The following FRAS1 variants were observed in gnomAD, a reference collection of about 807,000 sequenced individuals.
The protein encoded by FRAS1 is extracellular matrix organizing protein FRAS1.
Under a neutral mutation model 435.2 loss-of-function variants are expected in FRAS1, and 290 were observed. That is an observed-to-expected ratio of 0.67 (90% CI 0.61 to 0.73). FRAS1 has a LOEUF of 0.73. Ranked by LOEUF, FRAS1 falls within the 30% of genes least tolerant of loss-of-function variation. The pLI, the probability that FRAS1 is intolerant of heterozygous loss-of-function variation, is 0.00. For missense variants in FRAS1, 4,860 were observed against 5,001.5 expected, an observed-to-expected ratio of 0.97 and a Z score of 0.85; for synonymous variants, 1,800 against 1,851.0, an observed-to-expected ratio of 0.97 and a Z score of 0.71.
chr4:78,244,614 GCCTATT>G (rs1725150074), intron 3 of FRAS1, among the ~76,000 whole-genome samples: 1 of 152,124 alleles, frequency 6.6e-6, no homozygotes, highest in Non-Finnish European at 1.5e-5. Flanking sequence ...TCAGGTGGTG[GCCTATT>G]CTCTTGATAG....
At position 78,112,917 on chromosome 4, in the gene FRAS1, G is replaced by C. The variant is rs571400462; in HGVS notation, c.108+46901G>C. On this transcript the variant is annotated intron_variant, in intron 2 of 73. Transcript: ENST00000512123. ...ATGTATACATGTGCCATATTGGTGT[G>C]CTGCACCCATTAACTCGTCATTTAA... Among the ~76,000 whole-genome samples the C allele has an allele frequency of 4.6e-5, 7 of 152,042 alleles. No individual in the cohort carries two copies. In the East Asian group the frequency reaches 1.4e-3, roughly 29 times the overall value.
rs890975622 is a variant in FRAS1, at chr4:78,192,342, T to G, written c.109-45168T>G. 6.6e-5 allele frequency among the ~76,000 whole-genome samples: 10 copies of G among 152,194 alleles called. 1 individual carries two copies. In the East Asian group the frequency reaches 1.2e-3, roughly 18 times the overall value. ...CCCCTTTTTCTATTGATAGGAATAG[T>G]TTCAGAAGGAATGGTACCAGCTCCT... On this transcript the variant is annotated intron_variant, in intron 2 of 73. Coordinates refer to ENST00000512123, the MANE Select transcript of FRAS1 (RefSeq NM_025074.7).
rs1725284053 is a variant in FRAS1 at position 78,247,157 on chromosome 4, C to G, written c.309+1832C>G. On this transcript the variant is annotated intron_variant, in intron 4 of 73. Coordinates refer to ENST00000512123, the MANE Select transcript of FRAS1 (RefSeq NM_025074.7). ...GTTAGTTAGAAATCCTCCTAGCCTC[C>G]CACTTTTGCAGGGAGAGTTCAGAAA... Among the ~76,000 whole-genome samples the G allele has an allele frequency of 2.0e-5, 3 of 152,116 alleles. No individual in the cohort carries two copies. In the South Asian group the frequency reaches 6.2e-4, roughly 32 times the overall value.
At chr4:78,128,216 T>A (rs1396493543) in intron 2 of FRAS1, among the ~76,000 whole-genome samples, 1 of 152,144 alleles carries the variant, frequency 6.6e-6, no homozygotes, top group Non-Finnish European at 1.5e-5. Context: ...TAAACATACG[T>A]GTGCATGTGT....
At chr4:78,425,699 A>G (rs1176683137) in intron 35 of FRAS1, among the ~76,000 whole-genome samples, 1 of 152,218 alleles carries the variant, frequency 6.6e-6, no homozygotes, top group Non-Finnish European at 1.5e-5. Context: ...CATAATTCAT[A>G]CAATCAGTAA....
At chr4:78,478,166 G>A in intron 55 of FRAS1, 105 bp downstream of exon 55, 4 of 1,261,796 alleles carry the variant, frequency 3.2e-6, no homozygotes, top group East Asian at 5.1e-5. Flanking sequence ...TAACTCACAT[G>A]TGTACTTTCC....
At chr4:78,509,814 A>G (rs1040228087) in intron 63 of FRAS1, among the ~76,000 whole-genome samples, 1 of 152,244 alleles carries the variant, frequency 6.6e-6, no homozygotes, top group African/African-American at 2.4e-5. Context: ...AGTACCTGGC[A>G]TGTAGTAAGC....
chr4:78,249,070 T>TATATATATATGC lies in FRAS1; in HGVS notation c.310-3312_310-3311insGCATATATATAT, dbSNP rs1398244534. 4.6e-5 allele frequency among the ~76,000 whole-genome samples: 5 copies of TATATATATATGC among 109,032 alleles called. 1 individual carries two copies. Among genetic ancestry groups the TATATATATATGC allele is most frequent in the Middle Eastern group, 4.5e-3 (1 of 222 alleles). 71.5% of individuals were successfully genotyped at this position (109,032 alleles called of 152,430 possible). A position where few individuals can be genotyped will look rare whatever the true frequency, so the allele number is the denominator to read the frequency against. On this transcript the variant is annotated intron_variant, in intron 4 of 73. Coordinates refer to ENST00000512123, the MANE Select transcript of FRAS1 (RefSeq NM_025074.7). Reference sequence around the variant, plus strand: ...ACTGATATATATATATATGCATATATATATATATATATATATGCATGTGCT... The same window carrying TATATATATATGC: ...ACTGATATATATATATATGCATATATATATATATATGCATATATATATATATATGCATGTGCT...
chr4:78,443,528 G>C (rs1734744646), intron 41 of FRAS1, among the ~76,000 whole-genome samples: 1 of 152,212 alleles, frequency 6.6e-6, no homozygotes, highest in Non-Finnish European at 1.5e-5. Flanking sequence ...TTCAGGACTG[G>C]CACAGACAAG....
At chr4:78,526,769 T>A in intron 70 of FRAS1, 112 bp downstream of exon 70, 1 of 676,978 alleles carries the variant, frequency 1.5e-6, no homozygotes, top group Non-Finnish European at 2.5e-6. Flanking sequence ...TCATAGTCAT[T>A]CACTGACATG....
intron 70 of FRAS1, among the ~76,000 whole-genome samples, chr4:78,527,260 G>C (rs552164245): frequency 6.6e-6 from 1 of 152,220 alleles, no homozygotes; most frequent in South Asian, 2.1e-4. Context: ...TGAATAATGA[G>C]ACTCAACCAT....
At chr4:78,250,266 G>T (rs932539011) in intron 4 of FRAS1, among the ~76,000 whole-genome samples, 1 of 152,036 alleles carries the variant, frequency 6.6e-6, no homozygotes, top group Non-Finnish European at 1.5e-5. Context: ...TTGGTGGAGG[G>T]GTTGGCAGTG....
At chr4:78,313,729 T>A (rs1232379282) in intron 15 of FRAS1, among the ~76,000 whole-genome samples, 1 of 152,216 alleles carries the variant, frequency 6.6e-6, no homozygotes, top group African/African-American at 2.4e-5. Context: ...TTTTAAAAAT[T>A]CTTTCCAGTT....
At chr4:78,455,284 C>T (rs534615024) in intron 47 of FRAS1, among the ~76,000 whole-genome samples, 1 of 98,910 alleles carries the variant, frequency 1.0e-5, no homozygotes, top group African/African-American at 4.3e-5. Flanking sequence ...TACATGCCTC[C>T]CTTTGGAGGA....
intron 2 of FRAS1, among the ~76,000 whole-genome samples, chr4:78,134,104 G>A (rs555335408): frequency 3.0e-4 from 45 of 151,900 alleles, no homozygotes; most frequent in African/African-American, 8.0e-4. Flanking sequence ...GACTTCAGGC[G>A]CCCACCACCA....
intron 66 of FRAS1, among the ~76,000 whole-genome samples, chr4:78,518,422 G>GTATATATATATATATATATGTA (rs1721277005): frequency 1.5e-5 from 2 of 135,730 alleles, no homozygotes; most frequent in African/African-American, 6.0e-5. Flanking sequence ...TTTTTGTTGT[G>GTATATATATATATATATATGTA]TATATATATA....
chr4:78,397,271 C>A (rs776146843), intron 29 of FRAS1, among the ~76,000 whole-genome samples: 1 of 152,198 alleles, frequency 6.6e-6, no homozygotes, highest in Admixed American at 6.5e-5. Flanking sequence ...CTGTTTCACT[C>A]CTCTTGTTCC....
At chr4:78,535,467 G>T (rs551842366) in intron 71 of FRAS1, among the ~76,000 whole-genome samples, 1 of 152,266 alleles carries the variant, frequency 6.6e-6, no homozygotes, top group Admixed American at 6.5e-5. Flanking sequence ...GCCCAAGTCT[G>T]GACTTGTCTC....
intron 14 of FRAS1, among the ~76,000 whole-genome samples, chr4:78,302,402 C>G: frequency 6.6e-6 from 1 of 151,562 alleles, no homozygotes; most frequent in Non-Finnish European, 1.5e-5. Context: ...AATGGTATTT[C>G]TAGTTCTAGA....
Sources: allele counts gnomAD v4.1 joint callset (sites outside exome capture counted in the v4.1 genomes callset), GRCh38; gene constraint gnomAD v4.1.1; transcripts MANE v1.5; gene names NCBI Gene and HGNC (gene_info 2026-07-23, HGNC 2026-07-21).